Variants in CYRIB observed in about 807,000 individuals in gnomAD.
The protein encoded by CYRIB is CYFIP-related Rac1 interactor B.
A neutral mutation model predicts 44.2 loss-of-function variants in CYRIB; 8 were observed. That is an observed-to-expected ratio of 0.18 (90% CI 0.11 to 0.33). The LOEUF (loss-of-function observed/expected upper bound fraction) is 0.33, where lower values mean the gene tolerates loss of function less well. Among genes scored for constraint, CYRIB ranks in the 10% least tolerant of loss-of-function variants. CYRIB has a pLI of 1.00. For missense variants in CYRIB, 185 were observed against 382.8 expected (o/e 0.48, Z 4.31); for synonymous variants, 131 against 127.2 (o/e 1.03, Z -0.20).
chr8:129,996,803 T>G (rs560584063), intron 1 of CYRIB, among the ~76,000 whole-genome samples: 108 of 152,076 alleles, frequency 7.1e-4, no homozygotes, highest in Middle Eastern at 6.8e-3. Flanking sequence ...GTACCCTCCC[T>G]CCGGGGTATT....
intron 1 of CYRIB, among the ~76,000 whole-genome samples, chr8:129,982,906 C>A (rs2096292318): frequency 6.6e-6 from 1 of 151,954 alleles, no homozygotes; most frequent in South Asian, 2.1e-4. Context: ...GGTACTGCAG[C>A]CAACACAGTC....
upstream of CYRIB, among the ~76,000 whole-genome samples, chr8:129,943,548 T>C (rs2093894084): frequency 6.6e-6 from 1 of 150,596 alleles, no homozygotes; most frequent in Admixed American, 6.6e-5. Context: ...TGAGCCAAGA[T>C]TGCACCACTG....
At chr8:129,883,736 T>C (rs2134153655) in intron 2 of CYRIB, among the ~76,000 whole-genome samples, 2 of 152,320 alleles carry the variant, frequency 1.3e-5, no homozygotes, top group African/African-American at 4.8e-5. Flanking sequence ...CTGTGCCACT[T>C]CCAAACTTTG....
At chr8:129,855,118 C>T (rs760418495) in intron 6 of CYRIB, among the ~76,000 whole-genome samples, 8 of 152,068 alleles carry the variant, frequency 5.3e-5, no homozygotes, top group African/African-American at 7.2e-5. Flanking sequence ...CCTTTTGTTT[C>T]GGAGATTAAT....
At chr8:130,004,299 C>T (rs2096980983) in intron 1 of CYRIB, among the ~76,000 whole-genome samples, 2 of 152,086 alleles carry the variant, frequency 1.3e-5, no homozygotes, top group Admixed American at 6.5e-5. Context: ...AGACAGGGGT[C>T]TCCCTATGTT....
intron 1 of CYRIB, among the ~76,000 whole-genome samples, chr8:129,930,536 C>T (rs1465532764): frequency 6.6e-6 from 1 of 151,522 alleles, no homozygotes; most frequent in African/African-American, 2.4e-5. Flanking sequence ...AAAAGACACA[C>T]ATTTAAAATG....
chr8:129,870,502 C>T (rs973044047), intron 4 of CYRIB, among the ~76,000 whole-genome samples: 3 of 152,228 alleles, frequency 2.0e-5, no homozygotes, highest in African/African-American at 7.2e-5. Context: ...GAATCACCAC[C>T]TTCTGGTGTC....
At chr8:129,847,055 G>GA (rs1482377378) in intron 10 of CYRIB, 181 bp from the exon 13 acceptor site, 1 of 486,316 alleles carries the variant, frequency 2.1e-6, no homozygotes, top group African/African-American at 2.0e-5. Flanking sequence ...CTCACTTAGT[G>GA]AAAACAAAAT....
chr8:129,886,644 C>G (rs1441330211), intron 2 of CYRIB, among the ~76,000 whole-genome samples: 1 of 152,156 alleles, frequency 6.6e-6, no homozygotes, highest in Non-Finnish European at 1.5e-5. Context: ...ACCACCAAAA[C>G]TGCACTGGGA....
At chr8:129,989,795 T>G (rs28537603) in intron 1 of CYRIB, among the ~76,000 whole-genome samples, 3 of 45,328 alleles carry the variant, frequency 6.6e-5, no homozygotes, top group African/African-American at 8.7e-5. Flanking sequence ...CCCTCCCCCC[T>G]CCCCCCACCC....
intron 4 of CYRIB, among the ~76,000 whole-genome samples, chr8:129,868,251 A>T (rs1023113033): frequency 1.4e-4 from 21 of 152,150 alleles, no homozygotes; most frequent in African/African-American, 5.1e-4. Context: ...TCAACTTCTC[A>T]ACAAAAATTT....
chr8:129,860,854 G>A (rs1486350471), intron 5 of CYRIB, among the ~76,000 whole-genome samples: 1 of 138,870 alleles, frequency 7.2e-6, no homozygotes, highest in African/African-American at 2.6e-5. Flanking sequence ...ATTGCTAGTT[G>A]GAGGCTTAAA....
At chr8:130,000,543 A>G (rs1368582586) in intron 1 of CYRIB, among the ~76,000 whole-genome samples, 1 of 151,992 alleles carries the variant, frequency 6.6e-6, no homozygotes, top group Non-Finnish European at 1.5e-5. Context: ...AAATATAAAA[A>G]TTAGCCAGCC....
chr8:129,895,509 A>G (rs1364151175), intron 2 of CYRIB, among the ~76,000 whole-genome samples: 1 of 151,824 alleles, frequency 6.6e-6, no homozygotes, highest in Non-Finnish European at 1.5e-5. Context: ...CACTCATGTG[A>G]TTGTCAAATT....
intron 2 of CYRIB, among the ~76,000 whole-genome samples, chr8:129,957,892 G>C (rs1027504375): frequency 6.6e-6 from 1 of 150,820 alleles, no homozygotes; most frequent in East Asian, 1.9e-4. Flanking sequence ...GTGAACCTGG[G>C]AGGCAGAGCT....
chr8:130,016,851 T>A (rs1247655299), upstream of CYRIB, among the ~76,000 whole-genome samples: 1 of 151,916 alleles, frequency 6.6e-6, no homozygotes, highest in East Asian at 1.9e-4. Flanking sequence ...CGGGGCGCGC[T>A]GCGATTGGGG....
intron 1 of CYRIB, among the ~76,000 whole-genome samples, chr8:129,979,642 A>T (rs2132600612): frequency 6.6e-6 from 1 of 152,118 alleles, no homozygotes. Flanking sequence ...CCAGCTGGCC[A>T]TGGTGGCTCA....
Position 130,012,261 on chromosome 8 carries a change from G to T in CYRIB, c.-296+4109C>A, listed in dbSNP as rs145546307. On this transcript the variant is annotated intron_variant, in intron 1 of 14. Transcript: ENST00000401979. ...CATGACTCGTCCATGTACTCTTCTC[G>T]ACAAGCTCTGGTACAATTATCTTTC... Among the ~76,000 whole-genome samples the T allele has an allele frequency of 1.4e-3, 220 of 152,190 alleles. 1 individual carries two copies. The highest frequency in any genetic ancestry group is 4.8e-3 in the African/African-American group (200 of 41,532).
chr8:129,940,875 A>G (rs1373129225), upstream of CYRIB, among the ~76,000 whole-genome samples: 1 of 152,162 alleles, frequency 6.6e-6, no homozygotes, highest in Non-Finnish European at 1.5e-5. Flanking sequence ...ATTTGCATAA[A>G]ATTTCAGGAG....
Sources: allele counts gnomAD v4.1 joint callset (sites outside exome capture counted in the v4.1 genomes callset), GRCh38; gene constraint gnomAD v4.1.1; transcripts MANE v1.5; gene names NCBI Gene and HGNC (gene_info 2026-07-23, HGNC 2026-07-21).